The following MARCHF1 variants were observed in gnomAD, a reference collection of about 807,000 sequenced individuals.
The protein encoded by MARCHF1 is membrane associated ring-CH-type finger 1.
A neutral mutation model predicts 54.2 loss-of-function variants in MARCHF1; 40 were observed. That is an observed-to-expected ratio of 0.74 (90% confidence interval 0.57 to 0.96). The LOEUF is 0.96. MARCHF1 is among the 40% of genes least tolerant of loss of function. MARCHF1 has a pLI of 0.00. For synonymous variants in MARCHF1, 236 were observed against 236.3 expected (o/e 1.00, Z 0.01); for missense variants, 586 against 656.5 (o/e 0.89, Z 1.17).
chr4:163,616,600 A>G (rs929350110), intron 5 of MARCHF1, among the ~76,000 whole-genome samples: 1 of 151,986 alleles, frequency 6.6e-6, no homozygotes, highest in Non-Finnish European at 1.5e-5. Context: ...AATATAGCAA[A>G]TGGGCATGGC....
intron 8 of MARCHF1, among the ~76,000 whole-genome samples, chr4:163,574,439 T>C (rs1560950618): frequency 6.6e-6 from 1 of 151,562 alleles, no homozygotes; most frequent in Non-Finnish European, 1.5e-5. Context: ...AGGGTTTTTA[T>C]GGTTTTAGGT....
chr4:164,234,547 A>G (rs1732495929), intron 1 of MARCHF1, among the ~76,000 whole-genome samples: 1 of 151,932 alleles, frequency 6.6e-6, no homozygotes, highest in Admixed American at 6.6e-5. Context: ...TTTTTTCTTT[A>G]TAAAATGCAT....
intron 1 of MARCHF1, among the ~76,000 whole-genome samples, chr4:164,272,951 C>T (rs761136664): frequency 4.2e-4 from 64 of 151,340 alleles, no homozygotes; most frequent in Admixed American, 1.3e-3. Flanking sequence ...GATGTATGCA[C>T]GATTGTACAT....
At chr4:163,613,970 A>G (rs1421982760) in intron 5 of MARCHF1, among the ~76,000 whole-genome samples, 1 of 152,156 alleles carries the variant, frequency 6.6e-6, no homozygotes, top group Non-Finnish European at 1.5e-5. Context: ...TTAACCCTAT[A>G]ACCATACTAA....
chr4:163,847,902 T>C (rs1749532634), intron 4 of MARCHF1, among the ~76,000 whole-genome samples: 1 of 152,134 alleles, frequency 6.6e-6, no homozygotes, highest in Non-Finnish European at 1.5e-5. Context: ...TCCACTAGTG[T>C]TGTGCAAACA....
chr4:163,964,189 C>T (rs928346197), intron 3 of MARCHF1, among the ~76,000 whole-genome samples: 4 of 151,912 alleles, frequency 2.6e-5, no homozygotes, highest in African/African-American at 9.7e-5. Context: ...TGATATTTAG[C>T]AAATTTTACT....
At chr4:164,062,402 TTCGTGGCA>T (rs1485907287) in intron 2 of MARCHF1, among the ~76,000 whole-genome samples, 1 of 152,116 alleles carries the variant, frequency 6.6e-6, no homozygotes, top group Non-Finnish European at 1.5e-5. Flanking sequence ...ACTAATGTTC[TTCGTGGCA>T]TCTAGAATGG....
At chr4:163,791,489 T>C (rs1265534813) in intron 4 of MARCHF1, among the ~76,000 whole-genome samples, 1 of 152,108 alleles carries the variant, frequency 6.6e-6, no homozygotes, top group Non-Finnish European at 1.5e-5. Flanking sequence ...AATTTGTCAA[T>C]CAAAAACAAA....
intron 3 of MARCHF1, among the ~76,000 whole-genome samples, chr4:163,868,187 A>G (rs774466424): frequency 6.6e-6 from 1 of 151,982 alleles, no homozygotes; most frequent in Non-Finnish European, 1.5e-5. Flanking sequence ...AATGTTCAAC[A>G]TTCAAATATC....
intron 3 of MARCHF1, among the ~76,000 whole-genome samples, chr4:163,926,402 A>AT (rs1004502837): frequency 6.6e-6 from 1 of 151,220 alleles, no homozygotes; most frequent in African/African-American, 2.4e-5. Context: ...GGACATTTGG[A>AT]TTTTTTTTCA....
intron 1 of MARCHF1, among the ~76,000 whole-genome samples, chr4:164,131,850 G>T (rs1756307419): frequency 1.3e-5 from 2 of 152,024 alleles, no homozygotes; most frequent in Admixed American, 1.3e-4. Flanking sequence ...TCTGTGTATT[G>T]AATACATGTT....
intron 1 of MARCHF1, among the ~76,000 whole-genome samples, chr4:164,151,075 C>T (rs1261080864): frequency 1.3e-5 from 2 of 152,166 alleles, no homozygotes; most frequent in Non-Finnish European, 2.9e-5. Flanking sequence ...ATAGATTCTT[C>T]CTAGAGCCTC....
At chr4:163,954,498 C>T (rs1364189605) in intron 3 of MARCHF1, among the ~76,000 whole-genome samples, 2 of 152,000 alleles carry the variant, frequency 1.3e-5, no homozygotes, top group Non-Finnish European at 2.9e-5. Context: ...AAATAAAATG[C>T]ATATTTTAAA....
At chr4:164,166,037 CT>C (rs1490437975) in intron 1 of MARCHF1, among the ~76,000 whole-genome samples, 1 of 151,890 alleles carries the variant, frequency 6.6e-6, no homozygotes, top group Non-Finnish European at 1.5e-5. Context: ...TTTCAGAAAA[CT>C]TTTAAAAATT....
At chr4:163,926,056 A>T (rs750839912) in intron 3 of MARCHF1, among the ~76,000 whole-genome samples, 5,140 of 151,684 alleles carry the variant, frequency 0.034, 240 homozygotes, top group East Asian at 0.19. Flanking sequence ...GGTATTACAT[A>T]TATGAAGGGA....
At chr4:164,018,551 T>C (rs979991620) in intron 2 of MARCHF1, among the ~76,000 whole-genome samples, 4 of 152,090 alleles carry the variant, frequency 2.6e-5, no homozygotes, top group Non-Finnish European at 5.9e-5. Flanking sequence ...AAAGAAGATA[T>C]ATATTTGATA....
chr4:164,242,853 C>T (rs541983902), intron 1 of MARCHF1, among the ~76,000 whole-genome samples: 6 of 148,668 alleles, frequency 4.0e-5, no homozygotes, highest in South Asian at 2.2e-4. Context: ...GGAGCCGATG[C>T]GATCAACTGG....
intron 4 of MARCHF1, among the ~76,000 whole-genome samples, chr4:163,765,521 G>C (rs1268733660): frequency 6.6e-6 from 1 of 152,050 alleles, no homozygotes; most frequent in East Asian, 1.9e-4. Context: ...AAGGCATTCT[G>C]TGAAAACTAA....
chr4:164,176,980 C>CTCTCTCTCTCTATA (rs1466683245), intron 1 of MARCHF1, among the ~76,000 whole-genome samples: 7 of 58,916 alleles, frequency 1.2e-4, no homozygotes, highest in African/African-American at 3.6e-4. Flanking sequence ...CTCTCTCTCT[C>CTCTCTCTCTCTATA]TATATATATA....
Sources: allele counts gnomAD v4.1 joint callset (sites outside exome capture counted in the v4.1 genomes callset), GRCh38; gene constraint gnomAD v4.1.1; transcripts MANE v1.5; gene names NCBI Gene and HGNC (gene_info 2026-07-23, HGNC 2026-07-21).